BABAM2: variants seen among roughly 807,000 people sequenced by gnomAD.
The protein encoded by BABAM2 is BRISC and BRCA1 A complex member 2, also known as BRISC and BRCA1-A complex member 2.
In BABAM2, 31 loss-of-function variants were observed where a neutral mutation model predicts 54.7. That is an observed-to-expected ratio of 0.57 (90% CI 0.43 to 0.77). BABAM2 has a LOEUF of 0.77. Among genes scored for constraint, BABAM2 ranks in the 30% least tolerant of loss-of-function variants. The pLI is 0.00. For synonymous variants in BABAM2, 167 were observed against 162.9 expected (o/e 1.03, Z -0.19); for missense variants, 364 against 455.8 (o/e 0.80, Z 1.83).
At chr2:27,992,528 C>G (rs1347788359) in intron 4 of BABAM2, among the ~76,000 whole-genome samples, 1 of 151,944 alleles carries the variant, frequency 6.6e-6, no homozygotes, top group Non-Finnish European at 1.5e-5. Context: ...ATAATTGAAA[C>G]AAAAGCAATG....
chr2:28,267,484 A>G (rs965757320), intron 10 of BABAM2, among the ~76,000 whole-genome samples: 36 of 152,074 alleles, frequency 2.4e-4, no homozygotes, highest in Non-Finnish European at 4.7e-4. Flanking sequence ...GTATTTTGAA[A>G]TGGTGGTTTT....
At chr2:28,297,013 T>A (rs957668293) in intron 10 of BABAM2, among the ~76,000 whole-genome samples, 2 of 152,186 alleles carry the variant, frequency 1.3e-5, no homozygotes, top group African/African-American at 4.8e-5. Flanking sequence ...TATTTTTAAA[T>A]ATATCTTCCT....
intron 11 of BABAM2, among the ~76,000 whole-genome samples, chr2:28,299,874 T>G (rs919709093): frequency 6.6e-6 from 1 of 152,132 alleles, no homozygotes; most frequent in Non-Finnish European, 1.5e-5. Flanking sequence ...CCTCCTGACC[T>G]CACCTATATT....
chr2:28,157,603 CA>C (rs1470223242), intron 7 of BABAM2, among the ~76,000 whole-genome samples: 1 of 152,106 alleles, frequency 6.6e-6, no homozygotes, highest in African/African-American at 2.4e-5. Context: ...TAACCCTGTT[CA>C]GCAAATTATT....
intron 7 of BABAM2, among the ~76,000 whole-genome samples, chr2:28,201,302 T>A (rs1474366567): frequency 6.6e-6 from 1 of 152,182 alleles, no homozygotes; most frequent in Non-Finnish European, 1.5e-5. Flanking sequence ...TTTTCTTTGG[T>A]CCTAATATCA....
At chr2:28,059,289 C>T (rs1012653562) in intron 6 of BABAM2, among the ~76,000 whole-genome samples, 1 of 152,098 alleles carries the variant, frequency 6.6e-6, no homozygotes, top group Non-Finnish European at 1.5e-5. Context: ...GGGATCTACC[C>T]TCTTTCCTTC....
At chr2:28,053,903 A>T (rs999875276) in intron 6 of BABAM2, among the ~76,000 whole-genome samples, 4 of 152,226 alleles carry the variant, frequency 2.6e-5, no homozygotes, top group African/African-American at 9.6e-5. Flanking sequence ...CATGTTTGAG[A>T]TGATGGATAT....
At chr2:28,252,970 A>T (rs1433867739) in intron 10 of BABAM2, among the ~76,000 whole-genome samples, 2 of 152,246 alleles carry the variant, frequency 1.3e-5, no homozygotes, top group Non-Finnish European at 2.9e-5. Context: ...AGTAACTCTT[A>T]TGTTATTGAT....
At chr2:27,977,694 G>T (rs1277209409) in intron 3 of BABAM2, among the ~76,000 whole-genome samples, 1 of 152,142 alleles carries the variant, frequency 6.6e-6, no homozygotes, top group Non-Finnish European at 1.5e-5. Flanking sequence ...TGAGATCTGG[G>T]TGTTATCCTC....
At chr2:28,002,404 G>A (rs901123761) in intron 4 of BABAM2, among the ~76,000 whole-genome samples, 1 of 152,086 alleles carries the variant, frequency 6.6e-6, no homozygotes, top group Non-Finnish European at 1.5e-5. Flanking sequence ...TGCTCCATCT[G>A]TTTCACAGAT....
chr2:27,981,522 C>G (rs1310104381), intron 3 of BABAM2, among the ~76,000 whole-genome samples: 1 of 152,068 alleles, frequency 6.6e-6, no homozygotes, highest in Non-Finnish European at 1.5e-5. Context: ...CTCCTGTTCC[C>G]CATTGTCTGG....
intron 6 of BABAM2, among the ~76,000 whole-genome samples, chr2:28,103,076 G>A (rs531356696): frequency 1.3e-5 from 2 of 151,558 alleles, no homozygotes; most frequent in African/African-American, 2.4e-5. Flanking sequence ...TGGTCCTGAT[G>A]TGATATCTTT....
At chr2:28,153,293 C>A (rs1239810956) in intron 7 of BABAM2, among the ~76,000 whole-genome samples, 1 of 152,166 alleles carries the variant, frequency 6.6e-6, no homozygotes, top group African/African-American at 2.4e-5. Context: ...CATCTGTTTT[C>A]TAAGCTGCTA....
At chr2:28,069,393 C>G (rs377739286) in intron 6 of BABAM2, among the ~76,000 whole-genome samples, 1 of 152,330 alleles carries the variant, frequency 6.6e-6, no homozygotes, top group South Asian at 2.1e-4. Flanking sequence ...AGGCCATACC[C>G]TATCTAATGT....
intron 7 of BABAM2, among the ~76,000 whole-genome samples, chr2:28,207,967 A>G (rs1679049160): frequency 6.6e-6 from 1 of 152,230 alleles, no homozygotes; most frequent in African/African-American, 2.4e-5. Context: ...ATACATACAA[A>G]GAGAGAATAC....
intron 6 of BABAM2, among the ~76,000 whole-genome samples, chr2:28,109,534 T>C (rs1226205071): frequency 6.6e-6 from 1 of 152,130 alleles, no homozygotes; most frequent in Non-Finnish European, 1.5e-5. Context: ...TCTCACAACA[T>C]AGGCTGTCAA....
chr2:28,080,104 A>C (rs965066939), intron 6 of BABAM2, among the ~76,000 whole-genome samples: 1 of 152,144 alleles, frequency 6.6e-6, no homozygotes, highest in African/African-American at 2.4e-5. Flanking sequence ...TAATATTTGT[A>C]CATTCAGATT....
intron 7 of BABAM2, among the ~76,000 whole-genome samples, chr2:28,156,962 T>G (rs925941505): frequency 6.6e-6 from 1 of 152,252 alleles, no homozygotes; most frequent in African/African-American, 2.4e-5. Flanking sequence ...CCAACTTTTC[T>G]TTAAAGTGAA....
At chr2:28,091,452 C>T (rs570219681) in intron 6 of BABAM2, among the ~76,000 whole-genome samples, 2 of 152,218 alleles carry the variant, frequency 1.3e-5, no homozygotes, top group South Asian at 4.1e-4. Context: ...TATCAAAGGG[C>T]TGGATGACAC....
Sources: gnomAD v4.1 joint callset for allele counts (sites outside exome capture counted in the v4.1 genomes callset) on GRCh38, gnomAD v4.1.1 for gene constraint, MANE v1.5 for transcripts, NCBI Gene and HGNC (gene_info 2026-07-23, HGNC 2026-07-21) for gene names.